EFCAB6: variants seen among roughly 807,000 people sequenced by gnomAD.
EFCAB6 encodes EF-hand calcium binding domain 6.
EFCAB6 carries 156 observed loss-of-function variants against 169.8 expected under a neutral mutation model. That is an observed-to-expected ratio of 0.92 (90% CI 0.81 to 1.05). The LOEUF (loss-of-function observed/expected upper bound fraction) is 1.05, where lower values mean the gene tolerates loss of function less well. Among genes scored for constraint, EFCAB6 ranks in the 50% least tolerant of loss-of-function variants. The pLI is 0.00. For missense variants in EFCAB6, 1,800 were observed against 1,829.1 expected (o/e 0.98, Z 0.29); for synonymous variants, 698 against 676.4 (o/e 1.03, Z -0.50).
intron 5 of EFCAB6, among the ~76,000 whole-genome samples, chr22:43,758,267 G>A (rs943992685): frequency 6.0e-5 from 9 of 150,488 alleles, no homozygotes; most frequent in African/African-American, 2.3e-4. Flanking sequence ...TATATACAGA[G>A]GGGGGTAGGT....
At chr22:43,636,484 C>T (rs1239822785) in intron 17 of EFCAB6, among the ~76,000 whole-genome samples, 1 of 152,036 alleles carries the variant, frequency 6.6e-6, no homozygotes, top group African/African-American at 2.4e-5. Flanking sequence ...GCAGAAGCCT[C>T]AAGAAAGGCA....
chr22:43,611,866 A>G (rs903603880), intron 21 of EFCAB6, among the ~76,000 whole-genome samples: 1 of 152,210 alleles, frequency 6.6e-6, no homozygotes, highest in African/African-American at 2.4e-5. Flanking sequence ...GGCAATCCTA[A>G]GCAAAATGAA....
intron 7 of EFCAB6, among the ~76,000 whole-genome samples, chr22:43,733,528 G>A (rs750992587): frequency 6.6e-6 from 1 of 152,140 alleles, no homozygotes; most frequent in African/African-American, 2.4e-5. Flanking sequence ...TTTTATGTAG[G>A]TTGGAGAGTA....
intron 17 of EFCAB6, among the ~76,000 whole-genome samples, chr22:43,655,841 T>C (rs1342958414): frequency 6.6e-6 from 1 of 152,186 alleles, no homozygotes; most frequent in Admixed American, 6.5e-5. Flanking sequence ...CCGAAGTGAC[T>C]ACATTATTAT....
intron 13 of EFCAB6, among the ~76,000 whole-genome samples, chr22:43,674,300 G>A (rs1217038866): frequency 2.0e-5 from 3 of 152,170 alleles, no homozygotes; most frequent in Admixed American, 2.0e-4. Flanking sequence ...AATAGATTGT[G>A]TGAGTGTGGC....
At chr22:43,543,480 C>T (rs1569132080) in intron 27 of EFCAB6, among the ~76,000 whole-genome samples, 1 of 152,308 alleles carries the variant, frequency 6.6e-6, no homozygotes, top group East Asian at 1.9e-4. Flanking sequence ...GGGAAACCCA[C>T]TCAACTCTCT....
chr22:43,811,447 A>G (rs2063124301), intron 1 of EFCAB6, among the ~76,000 whole-genome samples: 1 of 152,184 alleles, frequency 6.6e-6, no homozygotes, highest in Admixed American at 6.5e-5. Flanking sequence ...AACAGGGGCA[A>G]GACATCCTGA....
At chr22:43,532,738 G>A (rs2047154470) in intron 30 of EFCAB6, among the ~76,000 whole-genome samples, 1 of 152,208 alleles carries the variant, frequency 6.6e-6, no homozygotes, top group Non-Finnish European at 1.5e-5. Context: ...AACTGTGGCT[G>A]GCTTAACCCA....
In EFCAB6 at chr22:43,667,260, C is replaced by G. The variant is rs750473795; in HGVS notation, c.1827G>C (p.Thr609=). 6.2e-7 allele frequency: 1 copy of G among 1,613,150 alleles called. No individual in the cohort carries two copies. The highest frequency in any genetic ancestry group is 1.3e-5 in the African/African-American group (1 of 74,838). ...QPDLSERTKL[T]EDKTTLTKKM... Reference sequence around the variant, plus strand: ...TCTTGGTCAGGGTGGTTTTATCCTCCGTGAGCTTGGTTCTAAAATCACAAG... The same window carrying G: ...TCTTGGTCAGGGTGGTTTTATCCTCGGTGAGCTTGGTTCTAAAATCACAAG... Residue 609 remains threonine (T), a synonymous_variant, in exon 17 of 32, where the codon ACG becomes ACC. Coordinates refer to ENST00000262726, the MANE Select transcript of EFCAB6 (RefSeq NM_022785.4).
At chr22:43,668,523 A>G (rs1211953592) in intron 16 of EFCAB6, among the ~76,000 whole-genome samples, 1 of 152,202 alleles carries the variant, frequency 6.6e-6, no homozygotes, top group East Asian at 1.9e-4. Flanking sequence ...AGTTTCTGGA[A>G]GAGAGTAAAT....
rs1161840197 is a variant in EFCAB6 at position 43,784,598 on chromosome 22, T to C, written c.-7-2273A>G. 1.4e-4 allele frequency among the ~76,000 whole-genome samples: 9 copies of C among 64,864 alleles called. 1 individual carries two copies. Among genetic ancestry groups the C allele is most frequent in the Admixed American group, 6.4e-4 (3 of 4,682 alleles). The allele number at this position is 64,864 out of a possible 152,430, so 42.6% of individuals were successfully genotyped here. A position where few individuals can be genotyped will look rare whatever the true frequency, so the allele number is the denominator to read the frequency against. On this transcript the variant is annotated intron_variant, in intron 2 of 31. Transcript: ENST00000262726. ...ACATATACACATATATATGTATATA[T>C]ACACATATATATGTGTATATATACA...
At chr22:43,693,181 T>C (rs1280066405) in intron 10 of EFCAB6, among the ~76,000 whole-genome samples, 2 of 152,080 alleles carry the variant, frequency 1.3e-5, no homozygotes, top group African/African-American at 4.8e-5. Flanking sequence ...TCCAAATTTA[T>C]GCAGTCACAA....
intron 21 of EFCAB6, 55 bp from the exon 22 acceptor site, chr22:43,608,655 G>C: frequency 6.5e-7 from 1 of 1,538,306 alleles, no homozygotes. Context: ...TATGACAGCA[G>C]AAAAGATGTT....
At chr22:43,689,331 A>C (rs929459389) in intron 10 of EFCAB6, among the ~76,000 whole-genome samples, 12 of 138,766 alleles carry the variant, frequency 8.6e-5, no homozygotes, top group Non-Finnish European at 1.7e-4. Context: ...AGAGTGGGCC[A>C]CGTGAGGGAG....
chr22:43,556,034 A>G (rs954201307), intron 26 of EFCAB6, among the ~76,000 whole-genome samples: 2 of 152,198 alleles, frequency 1.3e-5, no homozygotes, highest in Non-Finnish European at 2.9e-5. Context: ...CCAGCAAGGG[A>G]AGTTACTCAG....
At chr22:43,558,619 A>G (rs765260543) in intron 26 of EFCAB6, among the ~76,000 whole-genome samples, 1 of 152,330 alleles carries the variant, frequency 6.6e-6, no homozygotes, top group East Asian at 1.9e-4. Context: ...ATTTTAAGGA[A>G]TTGGCAGTGC....
At chr22:43,736,591 T>C (rs1209911469) in intron 6 of EFCAB6, among the ~76,000 whole-genome samples, 7 of 152,068 alleles carry the variant, frequency 4.6e-5, no homozygotes, top group Admixed American at 1.3e-4. Context: ...GACATTAGGA[T>C]AGGCCCTGTG....
intron 17 of EFCAB6, among the ~76,000 whole-genome samples, chr22:43,657,626 A>G (rs1190797297): frequency 6.6e-6 from 1 of 152,228 alleles, no homozygotes; most frequent in Non-Finnish European, 1.5e-5. Context: ...GAGAGCCACA[A>G]CTTCATACAC....
At chr22:43,668,565 G>C (rs1315515800) in intron 16 of EFCAB6, among the ~76,000 whole-genome samples, 2 of 152,188 alleles carry the variant, frequency 1.3e-5, no homozygotes, top group Non-Finnish European at 2.9e-5. Flanking sequence ...AGAAGTTACA[G>C]ATTGTCCCTG....
Sources: allele counts gnomAD v4.1 joint callset (sites outside exome capture counted in the v4.1 genomes callset), GRCh38; gene constraint gnomAD v4.1.1; transcripts MANE v1.5; gene names NCBI Gene and HGNC (gene_info 2026-07-23, HGNC 2026-07-21).